The following ERBB4 variants were observed in gnomAD, a reference collection of about 807,000 sequenced individuals.
The protein encoded by ERBB4 is erb-b2 receptor tyrosine kinase 4, also known as receptor tyrosine-protein kinase erbB-4.
In ERBB4, 42 loss-of-function variants were observed where a neutral mutation model predicts 158.0. The observed-to-expected ratio is 0.27, with a 90% CI of 0.21 to 0.34. ERBB4 has a LOEUF of 0.34. ERBB4 is among the 10% of genes least tolerant of loss of function. ERBB4 has a pLI of 1.00. For missense variants in ERBB4, 1,333 were observed against 1,624.1 expected (o/e 0.82, Z 3.08); for synonymous variants, 583 against 558.7 (o/e 1.04, Z -0.61).
intron 2 of ERBB4, among the ~76,000 whole-genome samples, chr2:212,048,139 G>A (rs776908031): frequency 1.2e-4 from 19 of 152,182 alleles, no homozygotes; most frequent in Non-Finnish European, 2.5e-4. Context: ...GAAATGGAAA[G>A]AGTGCCTCAG....
intron 20 of ERBB4, among the ~76,000 whole-genome samples, chr2:211,539,106 C>T (rs1205332402): frequency 6.6e-6 from 1 of 151,828 alleles, no homozygotes; most frequent in Non-Finnish European, 1.5e-5. Context: ...TTTTTTGAAG[C>T]CAATTGTTCT....
At chr2:212,489,216 A>G (rs1317717379) in intron 1 of ERBB4, among the ~76,000 whole-genome samples, 2 of 151,972 alleles carry the variant, frequency 1.3e-5, no homozygotes, top group East Asian at 1.9e-4. Context: ...CCATGAAGAT[A>G]TTTTCTTAAG....
chr2:211,955,029 G>C (rs1029627630), intron 2 of ERBB4, among the ~76,000 whole-genome samples: 1 of 151,928 alleles, frequency 6.6e-6, no homozygotes, highest in Non-Finnish European at 1.5e-5. Flanking sequence ...GGGACTCAAA[G>C]TCTCATTTAA....
chr2:211,675,816 T>G (rs1424608574), intron 13 of ERBB4, among the ~76,000 whole-genome samples: 1 of 120,006 alleles, frequency 8.3e-6, no homozygotes, highest in Non-Finnish European at 1.9e-5. Flanking sequence ...ATATAACAAA[T>G]AGGCTCCCTG....
chr2:212,415,437 A>G (rs2091624155), intron 1 of ERBB4, among the ~76,000 whole-genome samples: 1 of 152,102 alleles, frequency 6.6e-6, no homozygotes, highest in Non-Finnish European at 1.5e-5. Context: ...TGTGTCACTT[A>G]TTTTGGCATG....
At chr2:212,205,995 T>C (rs939156659) in intron 1 of ERBB4, among the ~76,000 whole-genome samples, 1 of 152,186 alleles carries the variant, frequency 6.6e-6, no homozygotes, top group Non-Finnish European at 1.5e-5. Flanking sequence ...CTCTTGTGAG[T>C]CCTTATAATA....
intron 2 of ERBB4, among the ~76,000 whole-genome samples, chr2:211,993,057 T>A (rs1293192173): frequency 6.6e-6 from 1 of 152,202 alleles, no homozygotes; most frequent in African/African-American, 2.4e-5. Flanking sequence ...AGCCAGCAGT[T>A]TTGAGAGAAA....
chr2:212,489,259 C>T (rs1012615863), intron 1 of ERBB4, among the ~76,000 whole-genome samples: 1 of 151,818 alleles, frequency 6.6e-6, no homozygotes, highest in Non-Finnish European at 1.5e-5. Flanking sequence ...TATCGTATTA[C>T]CAACCCAACA....
intron 2 of ERBB4, among the ~76,000 whole-genome samples, chr2:211,994,529 T>C (rs1034829114): frequency 6.6e-6 from 1 of 152,218 alleles, no homozygotes; most frequent in African/African-American, 2.4e-5. Flanking sequence ...CCAGTATGTA[T>C]AGTTTGATTT....
intron 5 of ERBB4, among the ~76,000 whole-genome samples, chr2:211,736,665 A>G (rs896916373): frequency 2.6e-5 from 4 of 152,172 alleles, no homozygotes; most frequent in African/African-American, 9.7e-5. Context: ...AAATCACTGC[A>G]CAATACAGCC....
At chr2:211,713,871 C>T (rs1237217810) in intron 7 of ERBB4, among the ~76,000 whole-genome samples, 1 of 152,146 alleles carries the variant, frequency 6.6e-6, no homozygotes, top group Non-Finnish European at 1.5e-5. Flanking sequence ...GGTTACTGCT[C>T]CACATATTGA....
At chr2:211,942,549 C>A (rs2080533002) in intron 3 of ERBB4, among the ~76,000 whole-genome samples, 1 of 151,892 alleles carries the variant, frequency 6.6e-6, no homozygotes, top group African/African-American at 2.4e-5. Context: ...CAGAATCCAG[C>A]AAACTTCATA....
At chr2:211,536,275 T>C (rs1186026661) in intron 20 of ERBB4, among the ~76,000 whole-genome samples, 2 of 152,118 alleles carry the variant, frequency 1.3e-5, no homozygotes, top group Non-Finnish European at 2.9e-5. Flanking sequence ...CCACACCTCA[T>C]TTGTTTACCA....
intron 1 of ERBB4, among the ~76,000 whole-genome samples, chr2:212,309,291 A>C (rs11903837): frequency 0.047 from 7,174 of 151,060 alleles, 585 homozygotes; most frequent in African/African-American, 0.17. Context: ...TAAACCTGCA[A>C]GCACATAAAG....
At chr2:211,773,689 A>G (rs2075797815) in intron 4 of ERBB4, among the ~76,000 whole-genome samples, 1 of 137,246 alleles carries the variant, frequency 7.3e-6, no homozygotes, top group South Asian at 2.3e-4. Context: ...CATACTATGA[A>G]GTATATATAC....
chr2:212,513,398 G>A (rs2106286799), intron 1 of ERBB4, among the ~76,000 whole-genome samples: 1 of 152,302 alleles, frequency 6.6e-6, no homozygotes, highest in African/African-American at 2.4e-5. Flanking sequence ...AGTATTTACA[G>A]CGAGTGAAAT....
chr2:212,399,973 G>T (rs147080690), intron 1 of ERBB4, among the ~76,000 whole-genome samples: 2 of 152,054 alleles, frequency 1.3e-5, no homozygotes, highest in South Asian at 2.1e-4. Context: ...GTCTATGGGG[G>T]CGGAGAAAAA....
At chr2:211,772,852 TATATATATATATATATACAC>T (rs1559504387) in intron 4 of ERBB4, among the ~76,000 whole-genome samples, 1 of 57,114 alleles carries the variant, frequency 1.8e-5, no homozygotes, top group Non-Finnish European at 3.3e-5. Context: ...TATATATATA[TATATATATATATATATACAC>T]ATATATATAT....
intron 4 of ERBB4, among the ~76,000 whole-genome samples, chr2:211,774,439 T>A (rs1279672062): frequency 6.6e-6 from 1 of 151,900 alleles, no homozygotes; most frequent in Non-Finnish European, 1.5e-5. Context: ...TTTATTTGCA[T>A]TAATGAATTA....
Sources: allele counts gnomAD v4.1 joint callset (sites outside exome capture counted in the v4.1 genomes callset), GRCh38; gene constraint gnomAD v4.1.1; transcripts MANE v1.5; gene names NCBI Gene and HGNC (gene_info 2026-07-23, HGNC 2026-07-21).